Variants in GLB1 observed in about 807,000 individuals in gnomAD.
GLB1 encodes the protein galactosidase beta 1.
In GLB1, 56 loss-of-function variants were observed where a neutral mutation model predicts 74.0. That is an observed-to-expected ratio of 0.76 (90% CI 0.61 to 0.94). The LOEUF is 0.94. Among genes scored for constraint, GLB1 ranks in the 40% least tolerant of loss-of-function variants. GLB1 has a pLI of 0.00. For missense variants in GLB1, 787 were observed against 845.5 expected (o/e 0.93, Z 0.86); for synonymous variants, 323 against 323.6 (o/e 1.00, Z 0.02).
chr3:33,088,032 G>A (rs1014419512), intron 1 of GLB1, among the ~76,000 whole-genome samples: 3 of 152,018 alleles, frequency 2.0e-5, no homozygotes, highest in African/African-American at 4.8e-5. Flanking sequence ...AATTGAGGCA[G>A]AGAAAGCATG....
At chr3:33,045,606 A>C (rs976585634) in intron 10 of GLB1, 1 of 991,420 alleles carries the variant, frequency 1.0e-6, no homozygotes, top group Non-Finnish European at 1.2e-6. Context: ...CAGATGATGC[A>C]TTAAATAAAG....
intron 9 of GLB1, among the ~76,000 whole-genome samples, chr3:33,049,180 G>C (rs1043340926): frequency 2.0e-5 from 3 of 152,122 alleles, no homozygotes; most frequent in Non-Finnish European, 4.4e-5. Context: ...GGCAGCTAGG[G>C]GGAATCCCCA....
intron 10 of GLB1, among the ~76,000 whole-genome samples, chr3:33,027,280 G>A (rs547035688): frequency 6.6e-6 from 1 of 152,380 alleles, no homozygotes; most frequent in Admixed American, 6.5e-5. Context: ...TCACCCTGCA[G>A]CAGCAGCAGC....
chr3:32,984,650 A>G, the GLB1 span, among the ~76,000 whole-genome samples: 7 of 152,020 alleles, frequency 4.6e-5, no homozygotes, highest in African/African-American at 1.7e-4. Flanking sequence ...GTTACCAGGC[A>G]CGGTGGCTCA....
chr3:33,034,565 A>G (rs1036301895), intron 10 of GLB1: 5 of 722,820 alleles, frequency 6.9e-6, no homozygotes, highest in Non-Finnish European at 1.3e-5. Context: ...TCGTGTGTTC[A>G]TCTGGACCTG....
At chr3:33,074,408 G>GAA (rs143322194) in intron 1 of GLB1, among the ~76,000 whole-genome samples, 2 of 113,546 alleles carry the variant, frequency 1.8e-5, no homozygotes, top group Non-Finnish European at 3.9e-5. Flanking sequence ...AAGAAAGAAA[G>GAA]AATATTACAC....
chr3:33,078,425 A>G (rs1700205779), intron 1 of GLB1, among the ~76,000 whole-genome samples: 1 of 152,218 alleles, frequency 6.6e-6, no homozygotes, highest in South Asian at 2.1e-4. Flanking sequence ...CAGCCTCAAA[A>G]AAAGTCGAAT....
the GLB1 span, among the ~76,000 whole-genome samples, chr3:32,963,318 G>GA: frequency 2.0e-5 from 3 of 152,062 alleles, no homozygotes; most frequent in Non-Finnish European, 4.4e-5. Context: ...GTAAAAATTG[G>GA]AAAAATAGAA....
chr3:32,990,842 C>T, the GLB1 span, among the ~76,000 whole-genome samples: 3 of 151,958 alleles, frequency 2.0e-5, no homozygotes, highest in Admixed American at 6.6e-5. Context: ...GGCGTGGTGG[C>T]GGGTGCCTGT....
chr3:32,973,294 CTG>C, the GLB1 span, among the ~76,000 whole-genome samples: 1 of 151,628 alleles, frequency 6.6e-6, no homozygotes, highest in African/African-American at 2.4e-5. Flanking sequence ...TGTGGGTGAC[CTG>C]TGTGTGTGTG....
intron 4 of GLB1, among the ~76,000 whole-genome samples, chr3:33,066,028 A>G (rs531210185): frequency 6.6e-6 from 1 of 151,998 alleles, no homozygotes; most frequent in South Asian, 2.1e-4. Context: ...CAGCCTTATT[A>G]CACCAGGGCT....
rs566009283 is a variant in GLB1 at position 33,047,612 on chromosome 3, C to T, written c.956-1380G>A. On this transcript the variant is annotated intron_variant, in intron 9 of 15. Coordinates refer to ENST00000307363, the MANE Select transcript of GLB1 (RefSeq NM_000404.4). ...AGTCTTTTGTCCAACCTAATTTGTA[C>T]ATCAATGAGGCACAAAACATGATAG... Among the ~76,000 whole-genome samples, 6 of 152,318 alleles carry T rather than the reference C, an allele frequency of 3.9e-5. No individual in the cohort carries two copies. In the South Asian group the frequency reaches 1.2e-3, roughly 32 times the overall value.
the GLB1 span, among the ~76,000 whole-genome samples, chr3:32,988,709 T>C: frequency 6.6e-6 from 1 of 152,238 alleles, no homozygotes; most frequent in Non-Finnish European, 1.5e-5. Flanking sequence ...GAGATGAATC[T>C]GCAGTGACTT....
chr3:33,068,881 T>C lies in GLB1; in HGVS notation c.335A>G (p.His112Arg), dbSNP rs753965226. Residue 112 changes from histidine (H) to arginine (R), a missense_variant, in exon 3 of 16, where the codon CAT (histidine) becomes CGT (arginine). Coordinates refer to ENST00000307363, the MANE Select transcript of GLB1 (RefSeq NM_000404.4). ...HDVEYFLRLA[H>R]ELGLLVILRP... ...CAGGATAACCAGCAGTCCCAGCTCA[T>C]GAGCCAGCCGAAGAAAATATTCCAC... 15 of 1,614,038 alleles carry C rather than the reference T, an allele frequency of 9.3e-6. No homozygotes were observed. The highest frequency in any genetic ancestry group is 6.7e-5 in the Admixed American group (4 of 59,992).
At chr3:33,080,813 G>C (rs1700295926) in intron 1 of GLB1, among the ~76,000 whole-genome samples, 1 of 152,204 alleles carries the variant, frequency 6.6e-6, no homozygotes, top group Admixed American at 6.5e-5. Flanking sequence ...TCTGCTTCTA[G>C]AGGGACCCAA....
intron 10 of GLB1, chr3:33,045,487 C>T (rs937768149): frequency 3.2e-5 from 32 of 988,238 alleles, no homozygotes; most frequent in South Asian, 4.6e-5. Flanking sequence ...TTGGGCCACA[C>T]ATAAAAAGGA....
chr3:32,988,360 G>A, the GLB1 span, among the ~76,000 whole-genome samples: 1 of 152,184 alleles, frequency 6.6e-6, no homozygotes, highest in Non-Finnish European at 1.5e-5. Context: ...GGACCAACGT[G>A]TTGTTGAAGT....
intron 10 of GLB1, among the ~76,000 whole-genome samples, chr3:33,032,281 A>G (rs1319648838): frequency 6.6e-6 from 1 of 152,030 alleles, no homozygotes; most frequent in East Asian, 1.9e-4. Flanking sequence ...ATCTGCGCCA[A>G]CCTTTCCGAC....
chr3:33,043,904 T>C (rs1698639275), intron 10 of GLB1, among the ~76,000 whole-genome samples: 1 of 71,168 alleles, frequency 1.4e-5, no homozygotes, highest in Non-Finnish European at 3.3e-5. Context: ...GAGGGTTATA[T>C]AATCCCTTTA....
Sources: allele counts gnomAD v4.1 joint callset (sites outside exome capture counted in the v4.1 genomes callset), GRCh38; gene constraint gnomAD v4.1.1; transcripts MANE v1.5; gene names NCBI Gene and HGNC (gene_info 2026-07-23, HGNC 2026-07-21).